ITGAV: variants seen among roughly 807,000 people sequenced by gnomAD.
The protein encoded by ITGAV is integrin subunit alpha V, also known as integrin alpha-V.
A neutral mutation model predicts 143.8 loss-of-function variants in ITGAV; 76 were observed. The observed-to-expected ratio is 0.53, with a 90% CI of 0.44 to 0.64. The LOEUF is 0.64. Among genes scored for constraint, ITGAV ranks in the 30% least tolerant of loss-of-function variants. The probability of loss-of-function intolerance (pLI) is 0.00; values close to 1 mark genes in which losing one functional copy is unlikely to be tolerated. For synonymous variants in ITGAV, 453 were observed against 446.7 expected (o/e 1.01, Z -0.18); for missense variants, 1,193 against 1,274.7 (o/e 0.94, Z 0.98).
chr2:186,652,479 C>T lies in ITGAV; in HGVS notation c.1505+390C>T, dbSNP rs558769051. Among the ~76,000 whole-genome samples the T allele has an allele frequency of 4.7e-4, 66 of 140,026 alleles. 1 individual carries two copies. Among genetic ancestry groups the T allele is most frequent in the African/African-American group, 2.0e-3 (65 of 32,950 alleles). The allele number at this position is 140,026 out of a possible 152,430, so 91.9% of individuals were successfully genotyped here. A position where few individuals can be genotyped will look rare whatever the true frequency, so the allele number is the denominator to read the frequency against. ...AGTGCTAGGATTTACAGGCATGAGC[C>T]ATTGCACCTGGCCTTATACTCTATT... On this transcript the variant is annotated intron_variant, in intron 15 of 29. Transcript: ENST00000261023.
Position 186,640,929 on chromosome 2 carries a change from C to G in ITGAV, c.918C>G (p.Phe306Leu), listed in dbSNP as rs556910791. Reference protein sequence around the residue: ...NFTGEQMAAYFGFSVAATDIN... With the variant: ...NFTGEQMAAYLGFSVAATDIN... The stretch of plus-strand genomic sequence containing the variant: ...TTTTTATCCAGATGGCTGCATATTT[C>G]GGATTTTCTGTAGCTGCCACTGACA... The change falls in exon 11 of 30, where the codon TTC (phenylalanine) becomes TTG (leucine). Residue 306 changes from phenylalanine to leucine, a missense_variant. Physicochemically the swap from Phe to Leu is conservative, Grantham distance 22. Transcript: ENST00000261023. The G allele has an allele frequency of 6.3e-7, 1 of 1,594,472 alleles. No individual in the cohort carries two copies. The highest frequency in any genetic ancestry group is 1.1e-5 in the South Asian group (1 of 88,944).
Position 186,652,051 on chromosome 2 carries a change from A to G in ITGAV, c.1467A>G (p.Lys489=), listed in dbSNP as rs763155773. Residue 489 remains lysine, a synonymous_variant, in exon 15 of 30, where the codon AAA becomes AAG. Coordinates refer to ENST00000261023, the MANE Select transcript of ITGAV (RefSeq NM_002210.5). ...CTAGCATTTTAAATCAAGACAATAA[A>G]ACCTGCTCACTGCCTGGAACAGCTC... is the stretch of plus-strand genomic sequence containing the variant. ...VYPSILNQDN[K]TCSLPGTALK... 15 of 1,613,032 alleles carry G rather than the reference A, an allele frequency of 9.3e-6. No homozygotes were observed. In the South Asian group the frequency reaches 1.5e-4, roughly 17 times the overall value.
rs183778117 is a variant in ITGAV, at chr2:186,594,655, T to C, written c.185+4132T>C. 1.1e-3 allele frequency among the ~76,000 whole-genome samples: 175 copies of C among 152,314 alleles called. 1 individual carries two copies. The South Asian group carries it at 0.017, about 15-fold the overall frequency. On this transcript the variant is annotated intron_variant, in intron 1 of 29. Coordinates refer to ENST00000261023, the MANE Select transcript of ITGAV (RefSeq NM_002210.5). Reference sequence around the variant, plus strand: ...AAAAATTTTCATAATAAAGCTTCCATTGCCAGCAAGAAAGTCCAAACCGCT... The same window carrying C: ...AAAAATTTTCATAATAAAGCTTCCACTGCCAGCAAGAAAGTCCAAACCGCT...
intron 2 of ITGAV, among the ~76,000 whole-genome samples, chr2:186,603,240 A>G (rs1166447943): frequency 6.6e-6 from 1 of 152,196 alleles, no homozygotes; most frequent in Non-Finnish European, 1.5e-5. Context: ...GCTGGCTTTG[A>G]CAGAGTGCTT....
chr2:186,590,631 T>A (rs1238900165), intron 1 of ITGAV, 108 bp downstream of exon 1: 3 of 1,020,212 alleles, frequency 2.9e-6, no homozygotes, highest in Non-Finnish European at 4.2e-6. Context: ...CGTCTGTCTG[T>A]CTCACCCATC....
At chr2:186,623,768 C>A (rs1161275500) in intron 3 of ITGAV, among the ~76,000 whole-genome samples, 6 of 152,138 alleles carry the variant, frequency 3.9e-5, no homozygotes, top group Admixed American at 3.9e-4. Flanking sequence ...TGGGTTTCCA[C>A]CCTATTCACT....
At chr2:186,601,257 T>C (rs1461487645) in intron 1 of ITGAV, among the ~76,000 whole-genome samples, 1 of 151,788 alleles carries the variant, frequency 6.6e-6, no homozygotes, top group Non-Finnish European at 1.5e-5. Flanking sequence ...TTAAAAAAAA[T>C]TAAGCCTAGG....
chr2:186,663,074 G>T (rs1688791742), intron 18 of ITGAV, among the ~76,000 whole-genome samples: 1 of 151,358 alleles, frequency 6.6e-6, no homozygotes, highest in African/African-American at 2.4e-5. Context: ...CTCTCTTTTG[G>T]GTGTTTCCAT....
chr2:186,649,010 GTGTGTATATA>G (rs1688348448), intron 13 of ITGAV, among the ~76,000 whole-genome samples: 1 of 44,752 alleles, frequency 2.2e-5, no homozygotes, highest in Non-Finnish European at 4.3e-5. Context: ...ATACACATTT[GTGTGTATATA>G]TATACACATT....
intron 2 of ITGAV, among the ~76,000 whole-genome samples, chr2:186,615,571 C>A (rs1352980723): frequency 6.6e-6 from 1 of 151,984 alleles, no homozygotes; most frequent in Non-Finnish European, 1.5e-5. Flanking sequence ...TGTTGAACAT[C>A]TTTTCTTGTG....
rs890562671 is a variant in ITGAV, at chr2:186,644,830, A to G, written c.1160-1856A>G. The stretch of plus-strand genomic sequence containing the variant: ...GGCAGCATATATGTTTAAAAAAAAA[A>G]AAGTACCTCAATGTGATCATCACAG... On this transcript the variant is annotated intron_variant, in intron 12 of 29. Transcript: ENST00000261023. Among the ~76,000 whole-genome samples the G allele has an allele frequency of 2.0e-5, 3 of 151,824 alleles. No homozygotes were observed. The East Asian group carries it at 5.8e-4, about 29-fold the overall frequency.
intron 26 of ITGAV, among the ~76,000 whole-genome samples, chr2:186,674,353 CAT>C (rs1173456923): frequency 6.6e-6 from 1 of 152,054 alleles, no homozygotes; most frequent in African/African-American, 2.4e-5. Flanking sequence ...AAATATGACT[CAT>C]ATTTGCATAT....
intron 8 of ITGAV, among the ~76,000 whole-genome samples, chr2:186,637,354 C>T (rs1473786986): frequency 6.6e-6 from 1 of 151,756 alleles, no homozygotes; most frequent in East Asian, 1.9e-4. Context: ...CGGTGATGCA[C>T]ACCAGTGTCT....
intron 18 of ITGAV, 36 bp downstream of exon 18, chr2:186,659,211 GTTA>G (rs754300436): frequency 1.5e-6 from 2 of 1,376,050 alleles, no homozygotes; most frequent in Non-Finnish European, 1.9e-6. Flanking sequence ...GTGATATTTT[GTTA>G]TTTTTTTTTA....
At position 186,590,180 on chromosome 2, in the gene ITGAV, C is replaced by T. The variant is rs1686570669; in HGVS notation, c.-159C>T. On this transcript the variant is annotated 5_prime_UTR_variant, in exon 1 of 30. Transcript: ENST00000261023. ...CCCTGGCGGTCGCTCCGAAGCTCAG[C>T]CCTCTTGCCTGCCCCGGAGCTGTCC... is the stretch of plus-strand genomic sequence containing the variant. The T allele has an allele frequency of 1.8e-6, 1 of 541,578 alleles. No homozygotes were observed. The highest frequency in any genetic ancestry group is 4.5e-5 in the Admixed American group (1 of 22,440). The allele number at this position is 541,578 out of a possible 1,614,324, so 33.5% of individuals were successfully genotyped here.
At chr2:186,664,418 C>G (rs1215466803) in intron 19 of ITGAV, 76 bp from the exon 20 acceptor site, 1 of 1,400,730 alleles carries the variant, frequency 7.1e-7, no homozygotes, top group African/African-American at 1.4e-5. Context: ...GTATTTATCT[C>G]TTCTTTCTTT....
At chr2:186,653,829 T>C (rs1398954729) in intron 15 of ITGAV, among the ~76,000 whole-genome samples, 1 of 152,188 alleles carries the variant, frequency 6.6e-6, no homozygotes, top group Non-Finnish European at 1.5e-5. Flanking sequence ...CACATAAAAG[T>C]AATTAAATCA....
At chr2:186,621,458 T>C (rs1687517786) in intron 2 of ITGAV, among the ~76,000 whole-genome samples, 1 of 152,188 alleles carries the variant, frequency 6.6e-6, no homozygotes, top group Non-Finnish European at 1.5e-5. Context: ...AATTAAACAT[T>C]ATTACTGTTA....
intron 12 of ITGAV, among the ~76,000 whole-genome samples, chr2:186,643,083 C>G (rs59039655): frequency 6.6e-6 from 1 of 152,176 alleles, no homozygotes; most frequent in South Asian, 2.1e-4. Flanking sequence ...GAATTCTTTG[C>G]TATGTAGCTG....
Sources: gnomAD v4.1 joint callset for allele counts (sites outside exome capture counted in the v4.1 genomes callset) on GRCh38, gnomAD v4.1.1 for gene constraint, MANE v1.5 for transcripts, NCBI Gene and HGNC (gene_info 2026-07-23, HGNC 2026-07-21) for gene names.